GRIK1: variants seen among roughly 807,000 people sequenced by gnomAD.
GRIK1 encodes glutamate ionotropic receptor kainate type subunit 1.
Under a neutral mutation model 105.7 loss-of-function variants are expected in GRIK1, and 69 were observed. The ratio of observed to expected loss-of-function variants is 0.65; its 90% CI spans 0.54 to 0.80. The LOEUF (loss-of-function observed/expected upper bound fraction) is 0.80. Among genes scored for constraint, GRIK1 ranks in the 30% least tolerant of loss-of-function variants. GRIK1 has a pLI of 0.00. For missense variants in GRIK1, 1,109 were observed against 1,167.3 expected (o/e 0.95, Z 0.73); for synonymous variants, 438 against 431.3 (o/e 1.02, Z -0.19).
intron 1 of GRIK1, among the ~76,000 whole-genome samples, chr21:29,897,670 A>T (rs982200805): frequency 2.6e-5 from 4 of 152,238 alleles, no homozygotes; most frequent in Non-Finnish European, 5.9e-5. Flanking sequence ...GGAGTGAATT[A>T]ATGTGACATC....
At chr21:29,869,248 A>G (rs951290722) in intron 1 of GRIK1, among the ~76,000 whole-genome samples, 1 of 152,272 alleles carries the variant, frequency 6.6e-6, no homozygotes, top group South Asian at 2.1e-4. Context: ...TTTATGGAGC[A>G]TATATTTCTA....
chr21:29,591,942 T>C (rs2061339691), intron 9 of GRIK1, among the ~76,000 whole-genome samples: 1 of 152,094 alleles, frequency 6.6e-6, no homozygotes, highest in Admixed American at 6.6e-5. Flanking sequence ...TCTCAGCTAC[T>C]CAGGAGGTTG....
chr21:29,669,055 C>T, intron 4 of GRIK1, among the ~76,000 whole-genome samples: 1 of 152,098 alleles, frequency 6.6e-6, no homozygotes, highest in East Asian at 1.9e-4. Context: ...CATATGAAAG[C>T]CCTATCTTCT....
At chr21:29,637,145 AAATCAGTTTT>A (rs1315680110) in intron 7 of GRIK1, among the ~76,000 whole-genome samples, 1 of 152,206 alleles carries the variant, frequency 6.6e-6, no homozygotes. Context: ...ATTTATGTTT[AAATCAGTTTT>A]AATAGAAGCA....
chr21:29,671,653 T>C (rs1033456641), intron 4 of GRIK1, among the ~76,000 whole-genome samples: 7 of 152,138 alleles, frequency 4.6e-5, no homozygotes, highest in African/African-American at 1.7e-4. Flanking sequence ...ACTTATGAAA[T>C]TACTGGCCCT....
intron 1 of GRIK1, among the ~76,000 whole-genome samples, chr21:29,839,958 T>C (rs2067930041): frequency 6.6e-6 from 1 of 152,104 alleles, no homozygotes. Flanking sequence ...TGACGGCAAA[T>C]TGGTGGAAAC....
At chr21:29,800,560 T>C (rs1451498009) in intron 1 of GRIK1, among the ~76,000 whole-genome samples, 1 of 152,248 alleles carries the variant, frequency 6.6e-6, no homozygotes, top group Non-Finnish European at 1.5e-5. Flanking sequence ...CAATTGTTTC[T>C]TTATTGTACT....
intron 14 of GRIK1, among the ~76,000 whole-genome samples, chr21:29,576,616 G>A (rs2090900602): frequency 6.6e-6 from 1 of 152,010 alleles, no homozygotes; most frequent in Non-Finnish European, 1.5e-5. Context: ...TATTTTATGG[G>A]TTCTATAAAT....
chr21:29,547,603 G>C lies in GRIK1; in HGVS notation c.2607+7449C>G, dbSNP rs1025890354. 2.0e-5 allele frequency among the ~76,000 whole-genome samples: 3 copies of C among 152,354 alleles called. No homozygotes were observed. The South Asian group carries it at 6.2e-4, about 32-fold the overall frequency. On this transcript the variant is annotated intron_variant, in intron 16 of 17. Coordinates refer to ENST00000327783, the MANE Select transcript of GRIK1 (RefSeq NM_001330994.2). ...TGAGTTCTTGGCATGTGATTCCCAAGTCACCTGTCTATTGGGCCATGCCCA... is the reference window on the plus strand; with the variant it reads ...TGAGTTCTTGGCATGTGATTCCCAACTCACCTGTCTATTGGGCCATGCCCA...
In GRIK1 at chr21:29,860,508, C is replaced by T. The variant is rs558855768; in HGVS notation, c.118+78875G>A. Among the ~76,000 whole-genome samples the T allele has an allele frequency of 5.3e-5, 8 of 152,320 alleles. No homozygotes were observed. In the East Asian group the frequency reaches 1.5e-3, roughly 29 times the overall value. ...TCACCTGAGCTCCCTTCCTGAATGACTTGAACCACAGGGACAAATTATGTC... is the reference window on the plus strand; with the variant it reads ...TCACCTGAGCTCCCTTCCTGAATGATTTGAACCACAGGGACAAATTATGTC... On this transcript the variant is annotated intron_variant, in intron 1 of 17. Transcript: ENST00000327783.
rs773386863 is a variant in GRIK1 at position 29,848,755 on chromosome 21, G to GTGTGTATATA, written c.118+90627_118+90628insTATATACACA. Among the ~76,000 whole-genome samples, 3 of 91,224 alleles carry GTGTGTATATA rather than the reference G, an allele frequency of 3.3e-5. No individual in the cohort carries two copies. The East Asian group carries it at 9.5e-4, about 29-fold the overall frequency. The allele number at this position is 91,224 out of a possible 152,430, so 59.8% of individuals were successfully genotyped here. On this transcript the variant is annotated intron_variant, in intron 1 of 17. Coordinates refer to ENST00000327783, the MANE Select transcript of GRIK1 (RefSeq NM_001330994.2). ...TCCTTAAATAGACCAAGTTGTGTGT[G>GTGTGTATATA]TATATATATATATATATATATATAT...
chr21:29,900,064 G>A (rs1489210502), intron 1 of GRIK1, among the ~76,000 whole-genome samples: 1 of 142,198 alleles, frequency 7.0e-6, no homozygotes, highest in Non-Finnish European at 1.5e-5. Context: ...CACCAGGCCT[G>A]CCTTATGAGA....
intron 1 of GRIK1, among the ~76,000 whole-genome samples, chr21:29,781,034 A>C (rs1388411995): frequency 6.6e-6 from 1 of 152,182 alleles, no homozygotes; most frequent in Non-Finnish European, 1.5e-5. Flanking sequence ...TATTAAGAAA[A>C]GTAAAACCCA....
intron 1 of GRIK1, among the ~76,000 whole-genome samples, chr21:29,696,534 T>G (rs781185837): frequency 3.3e-5 from 5 of 152,216 alleles, no homozygotes; most frequent in Non-Finnish European, 5.9e-5. Flanking sequence ...CAAAAGACAC[T>G]TGGTCACCAG....
intron 1 of GRIK1, among the ~76,000 whole-genome samples, chr21:29,883,553 T>G (rs989643470): frequency 1.3e-5 from 2 of 151,638 alleles, no homozygotes; most frequent in African/African-American, 4.8e-5. Flanking sequence ...ATAGAAAAAA[T>G]AAAAATGAAA....
intron 1 of GRIK1, among the ~76,000 whole-genome samples, chr21:29,781,657 C>CTTTTTTTTTTTTTT (rs71191125): frequency 1.4e-5 from 1 of 69,260 alleles, no homozygotes; most frequent in African/African-American, 5.4e-5. Flanking sequence ...CCTACTGTTT[C>CTTTTTTTTTTTTTT]TTTTTTTTTT....
At position 29,589,031 on chromosome 21, in the gene GRIK1, A is replaced by T. The variant is rs200157469; in HGVS notation, c.1377T>A (p.Tyr459Ter). ...GCTTATCAGATTTCCTGTACATAAC[A>T]TAGGGTTCTTCCTAAATGAAACAAA... ...LIVTTILEEP[Y>*]VMYRKSDKPL... The change falls in exon 11 of 18, where the codon TAT becomes TAA. Residue 459 changes from tyrosine (Y) to a stop codon, truncating the protein, a stop_gained. Coordinates refer to ENST00000327783, the MANE Select transcript of GRIK1 (RefSeq NM_001330994.2). LOFTEE classifies it high-confidence loss of function. The T allele has an allele frequency of 1.9e-6, 3 of 1,579,188 alleles. No individual in the cohort carries two copies. Among genetic ancestry groups the T allele is most frequent in the Non-Finnish European group, 2.6e-6 (3 of 1,149,598 alleles).
chr21:29,656,138 G>A (rs902077504), intron 4 of GRIK1, among the ~76,000 whole-genome samples: 24 of 151,400 alleles, frequency 1.6e-4, no homozygotes, highest in Non-Finnish European at 5.9e-5. Flanking sequence ...TGAGGCGGGC[G>A]GATCATGAGG....
intron 1 of GRIK1, among the ~76,000 whole-genome samples, chr21:29,734,206 C>G (rs1008775409): frequency 1.3e-5 from 2 of 152,134 alleles, no homozygotes; most frequent in African/African-American, 2.4e-5. Flanking sequence ...CACTACCACT[C>G]CATCCAGGCT....
Sources: allele counts gnomAD v4.1 joint callset (sites outside exome capture counted in the v4.1 genomes callset), GRCh38; gene constraint gnomAD v4.1.1; transcripts MANE v1.5; gene names NCBI Gene and HGNC (gene_info 2026-07-23, HGNC 2026-07-21).